PARD3B: variants seen among roughly 807,000 people sequenced by gnomAD.
The protein encoded by PARD3B is partitioning defective 3 homolog B.
A neutral mutation model predicts 130.2 loss-of-function variants in PARD3B; 103 were observed. The observed-to-expected ratio is 0.79, with a 90% CI of 0.67 to 0.93. PARD3B has a LOEUF of 0.93. PARD3B is among the 40% of genes least tolerant of loss of function. The pLI is 0.00. For missense variants in PARD3B, 1,609 were observed against 1,499.2 expected, an observed-to-expected ratio of 1.07 and a Z score of -1.21; for synonymous variants, 583 against 553.2, an observed-to-expected ratio of 1.05 and a Z score of -0.76.
intron 16 of PARD3B, among the ~76,000 whole-genome samples, chr2:205,284,670 T>C (rs574230941): frequency 6.6e-6 from 1 of 152,344 alleles, no homozygotes; most frequent in East Asian, 1.9e-4. Flanking sequence ...TTTTTTATTC[T>C]TTTAGTGTAA....
intron 2 of PARD3B, among the ~76,000 whole-genome samples, chr2:204,868,889 G>A (rs1368323874): frequency 1.3e-5 from 2 of 152,136 alleles, no homozygotes; most frequent in African/African-American, 4.8e-5. Context: ...GAAAGAGCAT[G>A]CAACTTTGGT....
intron 3 of PARD3B, among the ~76,000 whole-genome samples, chr2:205,008,025 AT>A (rs1013043425): frequency 6.6e-6 from 1 of 151,904 alleles, no homozygotes; most frequent in East Asian, 1.9e-4. Context: ...ATAGCACTTT[AT>A]TTTTTTTGAT....
intron 19 of PARD3B, among the ~76,000 whole-genome samples, chr2:205,437,180 A>G (rs1359288484): frequency 2.6e-5 from 4 of 152,142 alleles, no homozygotes; most frequent in Non-Finnish European, 5.9e-5. Flanking sequence ...ATAGCAAGGC[A>G]TGAGATTATG....
rs2041157360 is a variant in PARD3B at position 205,280,778 on chromosome 2, C to T, written c.2186-19752C>T. On this transcript the variant is annotated intron_variant, in intron 16 of 22. Coordinates refer to ENST00000406610, the MANE Select transcript of PARD3B (RefSeq NM_001302769.2). The surrounding 1 kb of genome is among the most constrained non-coding windows in gnomAD (Gnocchi z 4.7). ...TTGTCTTGGGTAGAATTTGTTGAGG[C>T]CTAAAGAAGTAAGCTCTTGATGGAT... Among the ~76,000 whole-genome samples, 1 of 152,070 alleles carries T rather than the reference C, an allele frequency of 6.6e-6. No homozygotes were observed. The highest frequency in any genetic ancestry group is 2.4e-5 in the African/African-American group (1 of 41,424).
chr2:204,889,224 C>T (rs536099997), intron 2 of PARD3B, among the ~76,000 whole-genome samples: 34 of 152,294 alleles, frequency 2.2e-4, no homozygotes, highest in Middle Eastern at 3.4e-3. Flanking sequence ...GCTTCTCATC[C>T]TTTACACCAA....
At chr2:204,863,977 A>G (rs1297395017) in intron 2 of PARD3B, among the ~76,000 whole-genome samples, 1 of 152,144 alleles carries the variant, frequency 6.6e-6, no homozygotes, top group Non-Finnish European at 1.5e-5. Flanking sequence ...TCCAAAAAAA[A>G]GTTTAAGTGT....
rs1028142750 is a variant in PARD3B at position 205,352,555 on chromosome 2, A to G, written c.2631-48458A>G. ...AGACTATTTGCTTTGATTTACATCT[A>G]TATCACCTTCAATTTAATATTTCAC... On this transcript the variant is annotated intron_variant, in intron 18 of 22. Coordinates refer to ENST00000406610, the MANE Select transcript of PARD3B (RefSeq NM_001302769.2). This position sits in a 1 kb window ranked among gnomAD's most constrained non-coding sequence, Gnocchi z 5.2. 3.5e-4 allele frequency among the ~76,000 whole-genome samples: 54 copies of G among 152,212 alleles called. No individual in the cohort carries two copies. Among genetic ancestry groups the G allele is most frequent in the African/African-American group, 1.3e-3 (52 of 41,462 alleles).
intron 19 of PARD3B, among the ~76,000 whole-genome samples, chr2:205,426,078 C>T (rs908901953): frequency 1.4e-4 from 21 of 151,836 alleles, no homozygotes; most frequent in African/African-American, 4.6e-4. Context: ...TTTAGGCTGA[C>T]AAGAAAAATG....
chr2:205,069,313 T>C (rs1700575634), intron 4 of PARD3B, among the ~76,000 whole-genome samples: 1 of 152,128 alleles, frequency 6.6e-6, no homozygotes, highest in African/African-American at 2.4e-5. Context: ...TATTTTAAAC[T>C]TCTCAGTGTG....
At chr2:204,605,765 A>G (rs9917123) in intron 1 of PARD3B, among the ~76,000 whole-genome samples, 2,761 of 152,264 alleles carry the variant, frequency 0.018, 77 homozygotes, top group African/African-American at 0.063. Context: ...ATAAGAGTTA[A>G]TGAAGAGGAT....
chr2:205,434,484 A>G (rs538172616), intron 19 of PARD3B, among the ~76,000 whole-genome samples: 1 of 152,310 alleles, frequency 6.6e-6, no homozygotes, highest in Non-Finnish European at 1.5e-5. Context: ...AAAAAATCAT[A>G]AAAGTTTTTT....
intron 18 of PARD3B, among the ~76,000 whole-genome samples, chr2:205,317,582 A>G (rs1043647593): frequency 3.9e-5 from 6 of 152,168 alleles, no homozygotes; most frequent in African/African-American, 1.4e-4. Flanking sequence ...CAGTTTAAGG[A>G]AAGTGGGCCA....
chr2:204,556,397 A>G (rs906746086), intron 1 of PARD3B, among the ~76,000 whole-genome samples: 1 of 152,162 alleles, frequency 6.6e-6, no homozygotes, highest in Non-Finnish European at 1.5e-5. Flanking sequence ...GATGAGTTTC[A>G]TGGCCTCCTG....
At chr2:204,700,464 A>T (rs1255578477) in intron 2 of PARD3B, among the ~76,000 whole-genome samples, 1 of 152,122 alleles carries the variant, frequency 6.6e-6, no homozygotes, top group Non-Finnish European at 1.5e-5. Context: ...TAAAAATTTG[A>T]TAGTGTCTTC....
chr2:205,499,404 ACATGTATCC>A (rs2050073021), intron 20 of PARD3B, among the ~76,000 whole-genome samples: 2 of 151,728 alleles, frequency 1.3e-5, no homozygotes, highest in Non-Finnish European at 1.5e-5. Flanking sequence ...CCATATATTG[ACATGTATCC>A]CATCCCCAAC....
chr2:205,465,835 T>C (rs1251922067), intron 20 of PARD3B, among the ~76,000 whole-genome samples: 2 of 152,202 alleles, frequency 1.3e-5, no homozygotes, highest in African/African-American at 4.8e-5. Flanking sequence ...GTCCAATAAT[T>C]GCAGCTAAAA....
At chr2:205,411,498 C>T (rs1161312419) in intron 19 of PARD3B, among the ~76,000 whole-genome samples, 1 of 152,118 alleles carries the variant, frequency 6.6e-6, no homozygotes, top group Non-Finnish European at 1.5e-5. Flanking sequence ...ACCTGTCTTT[C>T]AGATTGTTGT....
intron 21 of PARD3B, among the ~76,000 whole-genome samples, chr2:205,539,630 A>C (rs1050498328): frequency 6.6e-6 from 1 of 152,144 alleles, no homozygotes; most frequent in African/African-American, 2.4e-5. Flanking sequence ...TTTTATTTTA[A>C]CAATGGCTAC....
At chr2:204,916,232 G>A (rs2047438276) in intron 2 of PARD3B, among the ~76,000 whole-genome samples, 1 of 152,216 alleles carries the variant, frequency 6.6e-6, no homozygotes, top group Non-Finnish European at 1.5e-5. Flanking sequence ...ACCTTCAGCA[G>A]TAAGAATATT....
Sources: allele counts gnomAD v4.1 joint callset (sites outside exome capture counted in the v4.1 genomes callset), GRCh38; gene constraint gnomAD v4.1.1; non-coding constraint Gnocchi (gnomAD v3.1); transcripts MANE v1.5; gene names NCBI Gene and HGNC (gene_info 2026-07-23, HGNC 2026-07-21).